CYP4F22: variants seen among roughly 807,000 people sequenced by gnomAD.
The protein encoded by CYP4F22 is cytochrome P450 family 4 subfamily F member 22, also known as ultra-long-chain fatty acid omega-hydroxylase.
CYP4F22 carries 37 observed loss-of-function variants against 60.4 expected under a neutral mutation model. The observed-to-expected ratio is 0.61, with a 90% CI of 0.47 to 0.81. The LOEUF (loss-of-function observed/expected upper bound fraction) is 0.81, where lower values mean the gene tolerates loss of function less well. CYP4F22 is among the 30% of genes least tolerant of loss of function. The pLI is 0.00. For synonymous variants in CYP4F22, 258 were observed against 280.5 expected, an observed-to-expected ratio of 0.92 and a Z score of 0.80; for missense variants, 655 against 715.0, an observed-to-expected ratio of 0.92 and a Z score of 0.96.
chr19:15,550,880 C>A, intron 13 of CYP4F22, 124 bp downstream of exon 13: 1 of 1,156,850 alleles, frequency 8.6e-7, no homozygotes, highest in Non-Finnish European at 1.3e-6. Flanking sequence ...GAAGACCCAG[C>A]ACCCTCTCCC....
intron 1 of CYP4F22, chr19:15,515,220 A>G (rs945910786): frequency 6.7e-5 from 42 of 624,008 alleles, no homozygotes; most frequent in Non-Finnish European, 1.1e-4. Flanking sequence ...TGCTGCCCAC[A>G]TCCTTTACCC....
chr19:15,515,590 G>C (rs1599787713), intron 1 of CYP4F22: 1 of 468,896 alleles, frequency 2.1e-6, no homozygotes, highest in African/African-American at 2.0e-5. Context: ...GCCAGGTGTG[G>C]TGGCGCATGC....
chr19:15,535,844 T>C (rs1192036181), intron 4 of CYP4F22, among the ~76,000 whole-genome samples: 1 of 152,192 alleles, frequency 6.6e-6, no homozygotes, highest in Non-Finnish European at 1.5e-5. Context: ...TAGCACAACA[T>C]ATCAGTAATC....
chr19:15,535,683 C>T (rs1185762771), intron 4 of CYP4F22, among the ~76,000 whole-genome samples: 7 of 152,064 alleles, frequency 4.6e-5, no homozygotes, highest in Non-Finnish European at 7.4e-5. Context: ...CATCCATCCA[C>T]CCACCCACCA....
At chr19:15,548,336 C>A in intron 11 of CYP4F22, 95 bp downstream of exon 11, 1 of 1,565,452 alleles carries the variant, frequency 6.4e-7, no homozygotes, top group Non-Finnish European at 8.7e-7. Flanking sequence ...GCCCCAGGTG[C>A]ACTATCCCTG....
In CYP4F22 at chr19:15,540,710, T is replaced by G. The variant is rs1268900093; in HGVS notation, c.932T>G (p.Leu311Arg). 4 of 1,573,958 alleles carry G rather than the reference T, an allele frequency of 2.5e-6. No homozygotes were observed. The highest frequency in any genetic ancestry group is 3.4e-6 in the Non-Finnish European group (4 of 1,162,686). The stretch of plus-strand genomic sequence containing the variant: ...TTGGACTTTATTGATGTGCTGCTCC[T>G]GGCCAGGGTGAGGCTGGGCCCCCTG... ...KTLDFIDVLL[L>R]ARDEDGKELS... The change falls in exon 8 of 14, where the codon CTG (leucine) becomes CGG (arginine). Residue 311 changes from leucine to arginine, a missense_variant. Transcript: ENST00000269703.
At chr19:15,539,953 C>T (rs1813329587) in intron 7 of CYP4F22, among the ~76,000 whole-genome samples, 1 of 152,180 alleles carries the variant, frequency 6.6e-6, no homozygotes, top group Admixed American at 6.5e-5. Context: ...AATGCCTATT[C>T]ATATCCATTG....
intron 1 of CYP4F22, among the ~76,000 whole-genome samples, chr19:15,509,784 G>A (rs950749608): frequency 1.3e-5 from 2 of 151,946 alleles, no homozygotes; most frequent in African/African-American, 4.8e-5. Flanking sequence ...GGTGTCTGGC[G>A]GTGACCCAGG....
At chr19:15,542,286 C>T (rs1971471639) in intron 8 of CYP4F22, among the ~76,000 whole-genome samples, 1 of 152,112 alleles carries the variant, frequency 6.6e-6, no homozygotes, top group African/African-American at 2.4e-5. Flanking sequence ...AATCCCAGCA[C>T]TTTGGGAAGC....
At chr19:15,534,475 T>C (rs1599803646) in intron 4 of CYP4F22, among the ~76,000 whole-genome samples, 3 of 152,136 alleles carry the variant, frequency 2.0e-5, no homozygotes. Context: ...CTCTTTTTTT[T>C]TTTCTTTTTA....
chr19:15,546,072 T>C (rs1464766325), intron 10 of CYP4F22, among the ~76,000 whole-genome samples: 2 of 152,146 alleles, frequency 1.3e-5, no homozygotes, highest in Non-Finnish European at 2.9e-5. Flanking sequence ...ACTCCTGGGC[T>C]CAGGCAATCT....
intron 4 of CYP4F22, among the ~76,000 whole-genome samples, chr19:15,531,182 G>A (rs1971338888): frequency 6.6e-6 from 1 of 152,080 alleles, no homozygotes; most frequent in South Asian, 2.1e-4. Flanking sequence ...TTTAAGACCA[G>A]CCTGGGTAAT....
At chr19:15,509,141 C>G (rs1449409443) in intron 1 of CYP4F22, among the ~76,000 whole-genome samples, 1 of 152,194 alleles carries the variant, frequency 6.6e-6, no homozygotes, top group Non-Finnish European at 1.5e-5. Context: ...CGGTGTTCTT[C>G]TGGCCCCGAG....
intron 1 of CYP4F22, among the ~76,000 whole-genome samples, chr19:15,513,952 T>C (rs1263275044): frequency 3.9e-5 from 6 of 152,200 alleles, no homozygotes; most frequent in Admixed American, 3.9e-4. Context: ...ATGTGAACTA[T>C]GTGGAGATCA....
chr19:15,534,174 C>T (rs1474395450), intron 4 of CYP4F22, among the ~76,000 whole-genome samples: 3 of 152,182 alleles, frequency 2.0e-5, no homozygotes, highest in Non-Finnish European at 4.4e-5. Flanking sequence ...TACCTACGCA[C>T]GTATTTAATG....
intron 1 of CYP4F22, 143 bp downstream of exon 1, chr19:15,508,726 A>AC (rs200676271): frequency 1.2e-4 from 18 of 149,852 alleles, no homozygotes; most frequent in Non-Finnish European, 1.8e-4. Context: ...GGCCACGGGG[A>AC]CCCCCCCAGG....
intron 1 of CYP4F22, among the ~76,000 whole-genome samples, chr19:15,517,720 G>C (rs1415051117): frequency 6.6e-6 from 1 of 152,216 alleles, no homozygotes; most frequent in African/African-American, 2.4e-5. Context: ...GTGAATGATA[G>C]TGAAAATCAT....
At chr19:15,547,986 AGAGAGAGAGGGAGAGAGTGTGTGTGTGT>A in intron 10 of CYP4F22, 94 bp from the exon 11 acceptor site, 9 of 721,212 alleles carry the variant, frequency 1.2e-5, no homozygotes, top group Non-Finnish European at 1.2e-5. Flanking sequence ...AGAGAGAGAG[AGAGAGAGAGGGAGAGAGTGTGTGTGTGT>A]GTGTGTGTGT....
chr19:15,509,904 C>CCTTCTTTCTTTCTTT (rs1323141197), intron 1 of CYP4F22, among the ~76,000 whole-genome samples: 26 of 86,778 alleles, frequency 3.0e-4, no homozygotes, highest in South Asian at 1.8e-3. Flanking sequence ...TTCCTTCCTT[C>CCTTCTTTCTTTCTTT]CTTTCTTTCT....
Sources: gnomAD v4.1 joint callset for allele counts (sites outside exome capture counted in the v4.1 genomes callset) on GRCh38, gnomAD v4.1.1 for gene constraint, MANE v1.5 for transcripts, NCBI Gene and HGNC (gene_info 2026-07-23, HGNC 2026-07-21) for gene names.